The following CHRNA9 variants were observed in gnomAD, a reference collection of about 807,000 sequenced individuals.
CHRNA9 encodes cholinergic receptor nicotinic alpha 9 subunit.
CHRNA9 carries 24 observed loss-of-function variants against 36.8 expected under a neutral mutation model. The observed-to-expected ratio is 0.65, with a 90% CI of 0.47 to 0.92. The LOEUF is 0.92. Among genes scored for constraint, CHRNA9 ranks in the 40% least tolerant of loss-of-function variants. The pLI is 0.00. For missense variants in CHRNA9, 610 were observed against 601.2 expected, an observed-to-expected ratio of 1.01 and a Z score of -0.15; for synonymous variants, 231 against 231.8, an observed-to-expected ratio of 1.00 and a Z score of 0.03.
In CHRNA9 at chr4:40,354,394, C is replaced by G; in HGVS notation, c.1314C>G (p.His438Gln). The G allele has an allele frequency of 6.2e-7, 1 of 1,614,096 alleles. No homozygotes were observed. Residue 438 changes from histidine to glutamine, a missense_variant, in exon 5 of 5, where the codon CAC becomes CAG. His to Gln is a conservative substitution (Grantham distance 24). Transcript: ENST00000310169. ...IEYIAKCLKD[H>Q]KATNSKGSEW... ...ACATCGCCAAGTGCCTCAAAGACCA[C>G]AAGGCCACCAATTCCAAGGGGAGTG...
At chr4:40,350,693 TACACACAC>T (rs59972613) in intron 4 of CHRNA9, among the ~76,000 whole-genome samples, 231 of 143,976 alleles carry the variant, frequency 1.6e-3, no homozygotes, top group African/African-American at 5.8e-3. Flanking sequence ...CTTTGCAAAA[TACACACAC>T]ACACACACAC....
intron 4 of CHRNA9, among the ~76,000 whole-genome samples, chr4:40,352,191 TTTCATCTAGATTATC>T (rs1311039159): frequency 6.6e-6 from 1 of 152,170 alleles, no homozygotes; most frequent in African/African-American, 2.4e-5. Flanking sequence ...TTTCCAGCAG[TTTCATCTAGATTATC>T]AAATATGTTA....
chr4:40,344,536 G>GAA (rs11368849), intron 3 of CHRNA9, among the ~76,000 whole-genome samples: 41 of 138,126 alleles, frequency 3.0e-4, no homozygotes, highest in African/African-American at 3.9e-4. Flanking sequence ...GCCATCTCAA[G>GAA]AAAAAAAAAA....
intron 3 of CHRNA9, among the ~76,000 whole-genome samples, chr4:40,346,736 G>T (rs1164677769): frequency 6.6e-6 from 1 of 152,116 alleles, no homozygotes; most frequent in Non-Finnish European, 1.5e-5. Flanking sequence ...TTTCTAATGA[G>T]TGGAAACAAT....
Position 40,355,080 on chromosome 4 carries a change from T to C in CHRNA9, c.*560T>C, listed in dbSNP as rs1712919793. 1 of 152,730 alleles carries C rather than the reference T, an allele frequency of 6.5e-6. No homozygotes were observed. Among genetic ancestry groups the C allele is most frequent in the African/African-American group, 2.4e-5 (1 of 41,472 alleles). 9.5% of individuals were successfully genotyped at this position (152,730 alleles called of 1,614,324 possible). A position where few individuals can be genotyped will look rare whatever the true frequency, so the allele number is the denominator to read the frequency against. On this transcript the variant is annotated 3_prime_UTR_variant, in exon 5 of 5. Transcript: ENST00000310169. Reference sequence around the variant, plus strand: ...ATGGGGAAAAGAACTTTCTTCATAATGGTGATGTCGTATATGTTGGTTATG... The same window carrying C: ...ATGGGGAAAAGAACTTTCTTCATAACGGTGATGTCGTATATGTTGGTTATG...
intron 3 of CHRNA9, among the ~76,000 whole-genome samples, chr4:40,340,254 A>T (rs983709547): frequency 6.6e-6 from 1 of 152,012 alleles, no homozygotes; most frequent in Non-Finnish European, 1.5e-5. Flanking sequence ...ACACTGATTC[A>T]TCATCTCCTT....
chr4:40,354,610 T>A lies in CHRNA9; in HGVS notation c.*90T>A. The A allele has an allele frequency of 1.8e-6, 2 of 1,087,318 alleles. No homozygotes were observed. The highest frequency in any genetic ancestry group is 2.7e-6 in the Non-Finnish European group (2 of 747,962). 67.4% of individuals were successfully genotyped at this position (1,087,318 alleles called of 1,614,324 possible). On this transcript the variant is annotated 3_prime_UTR_variant, in exon 5 of 5. Transcript: ENST00000310169. Reference sequence around the variant, plus strand: ...TTCTTCCAAGATTTTTGTTCATCTATAATTTAGGGGTTATGTTGTCTGTGC... The same window carrying A: ...TTCTTCCAAGATTTTTGTTCATCTAAAATTTAGGGGTTATGTTGTCTGTGC...
chr4:40,336,678 T>C (rs930839854), intron 2 of CHRNA9, among the ~76,000 whole-genome samples: 83 of 152,112 alleles, frequency 5.5e-4, no homozygotes, highest in Non-Finnish European at 1.6e-4. Context: ...GACAGGGTTT[T>C]ACCGTGTTAG....
At chr4:40,335,632 G>A (rs989984888) in intron 1 of CHRNA9, 101 bp downstream of exon 1, 18 of 1,059,354 alleles carry the variant, frequency 1.7e-5, no homozygotes, top group African/African-American at 1.2e-4. Context: ...TGATTCAACC[G>A]CATGGAAGTG....
At chr4:40,341,667 C>T (rs972554156) in intron 3 of CHRNA9, among the ~76,000 whole-genome samples, 1 of 152,212 alleles carries the variant, frequency 6.6e-6, no homozygotes, top group East Asian at 1.9e-4. Context: ...GCTGCCTACT[C>T]GAGCCCATAC....
At chr4:40,339,479 G>A (rs943172345) in intron 3 of CHRNA9, among the ~76,000 whole-genome samples, 1 of 150,904 alleles carries the variant, frequency 6.6e-6, no homozygotes, top group Admixed American at 6.6e-5. Flanking sequence ...TCAGGAGATC[G>A]AGACCATCCT....
chr4:40,335,939 C>G lies in CHRNA9; in HGVS notation c.177C>G (p.Thr59=). 6.2e-7 allele frequency: 1 copy of G among 1,612,926 alleles called. No individual in the cohort carries two copies. The highest frequency in any genetic ancestry group is 1.1e-5 in the South Asian group (1 of 91,052). The part of the protein sequence containing the change: ...VEDTDKVLNV[T]LQITLSQIKD... ...ATACAGATAAAGTCCTGAATGTGAC[C>G]CTGCAGATTACGCTCTCTCAGATTA... The change falls in exon 2 of 5, where the codon ACC becomes ACG. Residue 59 remains threonine (T), a synonymous_variant. Coordinates refer to ENST00000310169, the MANE Select transcript of CHRNA9 (RefSeq NM_017581.4).
chr4:40,347,529 A>G (rs1050446620), intron 3 of CHRNA9, among the ~76,000 whole-genome samples: 1 of 152,208 alleles, frequency 6.6e-6, no homozygotes, highest in Non-Finnish European at 1.5e-5. Context: ...ATGACCACGT[A>G]TTTTTAAAAA....
chr4:40,345,234 G>C (rs1712606380), intron 3 of CHRNA9, among the ~76,000 whole-genome samples: 1 of 152,098 alleles, frequency 6.6e-6, no homozygotes, highest in Admixed American at 6.6e-5. Context: ...TAAACAATAA[G>C]ATATTGGTCA....
In CHRNA9 at chr4:40,354,376, C is replaced by T. The variant is rs1712893671; in HGVS notation, c.1296C>T (p.Ala432=). 3 of 1,614,188 alleles carry T rather than the reference C, an allele frequency of 1.9e-6. No homozygotes were observed. Among genetic ancestry groups the T allele is most frequent in the Non-Finnish European group, 2.5e-6 (3 of 1,180,030 alleles). Residue 432 remains alanine (A), a synonymous_variant, in exon 5 of 5, where the codon GCC becomes GCT. Coordinates refer to ENST00000310169, the MANE Select transcript of CHRNA9 (RefSeq NM_017581.4). ...TGACGAGGAATATTGAGTACATCGC[C>T]AAGTGCCTCAAAGACCACAAGGCCA... ...KVLTRNIEYI[A]KCLKDHKATN...
chr4:40,339,279 C>CAAAAAAAAAAAAAAAAAA (rs61634062), intron 3 of CHRNA9, among the ~76,000 whole-genome samples: 4 of 71,160 alleles, frequency 5.6e-5, no homozygotes, highest in Admixed American at 2.0e-4. Context: ...GACTCCATCT[C>CAAAAAAAAAAAAAAAAAA]AAAAAAAAAA....
chr4:40,346,809 A>T (rs1487585724), intron 3 of CHRNA9, among the ~76,000 whole-genome samples: 10 of 151,574 alleles, frequency 6.6e-5, no homozygotes, highest in South Asian at 2.1e-4. Flanking sequence ...ATTTTATTTT[A>T]TTTTTTTGTT....
intron 4 of CHRNA9, among the ~76,000 whole-genome samples, chr4:40,351,541 T>G (rs1560318805): frequency 2.0e-5 from 3 of 152,090 alleles, no homozygotes. Flanking sequence ...CAATTAAAAT[T>G]TGTTATTCAT....
At position 40,340,973 on chromosome 4, in the gene CHRNA9, C is replaced by CAAAAAAAAA. The variant is rs543449903; in HGVS notation, c.365+3621_365+3629dup. ...GAAGCCAAAGGGAAGATAAGCTCTCCAAAAAAAAAAAAAAAAAAAAGAACA... is the reference window on the plus strand; with the variant it reads ...GAAGCCAAAGGGAAGATAAGCTCTCCAAAAAAAAAAAAAAAAAAAAAAAAAAAAAGAACA... On this transcript the variant is annotated intron_variant, in intron 3 of 4. Transcript: ENST00000310169. Among the ~76,000 whole-genome samples, 79 of 64,938 alleles carry CAAAAAAAAA rather than the reference C, an allele frequency of 1.2e-3. 1 individual carries two copies. The highest frequency in any genetic ancestry group is 2.6e-3 in the East Asian group (4 of 1,540). 42.6% of individuals were successfully genotyped at this position (64,938 alleles called of 152,430 possible).
Sources: allele counts gnomAD v4.1 joint callset (sites outside exome capture counted in the v4.1 genomes callset), GRCh38; gene constraint gnomAD v4.1.1; transcripts MANE v1.5; gene names NCBI Gene and HGNC (gene_info 2026-07-23, HGNC 2026-07-21).